UNC45B: variants seen among roughly 807,000 people sequenced by gnomAD.
UNC45B encodes protein unc-45 homolog B.
In UNC45B, 78 loss-of-function variants were observed where a neutral mutation model predicts 98.7. The ratio of observed to expected loss-of-function variants is 0.79; its 90% CI spans 0.66 to 0.95. The LOEUF (loss-of-function observed/expected upper bound fraction) is 0.95, where lower values mean the gene tolerates loss of function less well. Among genes scored for constraint, UNC45B ranks in the 40% least tolerant of loss-of-function variants. The probability of loss-of-function intolerance (pLI) is 0.00; values close to 1 mark genes in which losing one functional copy is unlikely to be tolerated. For synonymous variants in UNC45B, 462 were observed against 480.4 expected (o/e 0.96, Z 0.50); for missense variants, 1,225 against 1,184.9 (o/e 1.03, Z -0.50).
intron 14 of UNC45B, among the ~76,000 whole-genome samples, chr17:35,175,105 A>AG (rs1491478073): frequency 5.1e-5 from 7 of 137,808 alleles, no homozygotes; most frequent in African/African-American, 2.1e-4. Flanking sequence ...AAGAAAAAAG[A>AG]AAAGAAAGAA....
intron 7 of UNC45B, among the ~76,000 whole-genome samples, chr17:35,159,049 T>C (rs997450565): frequency 1.6e-4 from 24 of 152,192 alleles, no homozygotes; most frequent in African/African-American, 5.5e-4. Context: ...ATCAGTTTAT[T>C]AGAAACCACA....
Position 35,183,460 on chromosome 17 carries a change from C to T in UNC45B, c.2407C>T (p.Arg803Trp), listed in dbSNP as rs370424081. 192 of 1,598,510 alleles carry T rather than the reference C, an allele frequency of 1.2e-4. No individual in the cohort carries two copies. The highest frequency in any genetic ancestry group is 1.7e-4 in the Middle Eastern group (1 of 5,990). The change falls in exon 19 of 20, where the codon CGG becomes TGG. Residue 803 changes from arginine (R) to tryptophan (W), a missense_variant. Arg to Trp is a moderately radical substitution (Grantham distance 101). Transcript: ENST00000394570. ...QERFLADGND[R>W]LKLVVLLCGE... ...AAGGTTCTTGGCTGACGGGAATGAC[C>T]GGCTGAAGCTGGTGGTGCTGCTCTG...
intron 19 of UNC45B, among the ~76,000 whole-genome samples, chr17:35,184,745 A>G (rs962596751): frequency 2.2e-4 from 34 of 152,052 alleles, no homozygotes; most frequent in Non-Finnish European, 4.7e-4. Flanking sequence ...AGGATTGCCA[A>G]CCCACTCCTG....
At chr17:35,165,607 T>G (rs2092133228) in intron 9 of UNC45B, among the ~76,000 whole-genome samples, 1 of 152,152 alleles carries the variant, frequency 6.6e-6, no homozygotes, top group South Asian at 2.1e-4. Flanking sequence ...GTGGGACAGA[T>G]AAGTCTCTGT....
Position 35,159,355 on chromosome 17 carries a change from C to G in UNC45B, c.809-20C>G. 1.9e-6 allele frequency: 3 copies of G among 1,605,836 alleles called. No individual in the cohort carries two copies. The highest frequency in any genetic ancestry group is 2.6e-6 in the Non-Finnish European group (3 of 1,174,566). ...AGATTTCCTACCCCTCTCTACTTAC[C>G]CCGTCCTCTTTTTCTTCAGACACCA... On this transcript the variant is annotated intron_variant, in intron 7 of 19. Transcript: ENST00000394570.
chr17:35,155,240 T>C (rs1173706223), intron 6 of UNC45B, 56 bp from the exon 7 acceptor site: 1 of 1,593,578 alleles, frequency 6.3e-7, no homozygotes, highest in African/African-American at 1.3e-5. Flanking sequence ...CTAACCTGCA[T>C]GGCAGCTAGA....
chr17:35,167,953 A>G (rs931006455), intron 9 of UNC45B, 108 bp from the exon 10 acceptor site: 11 of 1,109,506 alleles, frequency 9.9e-6, no homozygotes, highest in Admixed American at 6.3e-5. Context: ...CACACAGCAC[A>G]TGAGTGGTGG....
chr17:35,179,896 A>C (rs1335577955), intron 17 of UNC45B, among the ~76,000 whole-genome samples: 3 of 120,354 alleles, frequency 2.5e-5, no homozygotes, highest in African/African-American at 9.2e-5. Context: ...CTAGAACTTA[A>C]AGTATTAAAA....
chr17:35,149,367 G>A (rs2091999927), intron 3 of UNC45B, among the ~76,000 whole-genome samples: 1 of 152,122 alleles, frequency 6.6e-6, no homozygotes. Flanking sequence ...AAGCTGCCTG[G>A]CTGTCTTTTG....
At chr17:35,162,013 G>T (rs1019409346) in intron 8 of UNC45B, among the ~76,000 whole-genome samples, 1 of 152,172 alleles carries the variant, frequency 6.6e-6, no homozygotes, top group African/African-American at 2.4e-5. Context: ...GAAGTGCCAC[G>T]CCCCTTGCCA....
intron 4 of UNC45B, chr17:35,151,228 C>A (rs1199588674): frequency 3.6e-6 from 1 of 278,058 alleles, no homozygotes; most frequent in Non-Finnish European, 7.0e-6. Flanking sequence ...TTAAATTCAG[C>A]GGGTCGCCAC....
At chr17:35,147,981 G>A in intron 1 of UNC45B, 71 bp downstream of exon 1, 1 of 437,658 alleles carries the variant, frequency 2.3e-6, no homozygotes, top group Non-Finnish European at 4.2e-6. Flanking sequence ...TGCAATGAGA[G>A]TTCAGGCCTT....
At chr17:35,151,587 C>T (rs774748199) in intron 4 of UNC45B, among the ~76,000 whole-genome samples, 2 of 152,120 alleles carry the variant, frequency 1.3e-5, no homozygotes, top group Non-Finnish European at 2.9e-5. Context: ...TGTGGGGCAT[C>T]TCTTGGGGTG....
intron 16 of UNC45B, 134 bp from the exon 17 acceptor site, chr17:35,177,361 G>T: frequency 1.4e-6 from 1 of 727,260 alleles, no homozygotes; most frequent in African/African-American, 1.8e-5. Context: ...CTGCCTGTCA[G>T]GATCATTGTG....
chr17:35,180,656 A>C lies in UNC45B; in HGVS notation c.2353A>C (p.Asn785His). 6.2e-7 allele frequency: 1 copy of C among 1,613,640 alleles called. No homozygotes were observed. The highest frequency in any genetic ancestry group is 8.5e-7 in the Non-Finnish European group (1 of 1,179,896). ...LRQAATECMC[N>H]MVLHKEVQER... Reference sequence around the variant, plus strand: ...GCAGGCGGCCACCGAGTGCATGTGCAACATGGTGCTCCACAAGGAGGTGAG... The same window carrying C: ...GCAGGCGGCCACCGAGTGCATGTGCCACATGGTGCTCCACAAGGAGGTGAG... Residue 785 changes from asparagine to histidine, a missense_variant, in exon 18 of 20, where the codon AAC (asparagine) becomes CAC (histidine). Transcript: ENST00000394570.
intron 18 of UNC45B, 29 bp downstream of exon 18, chr17:35,180,705 G>T (rs116910034): frequency 6.3e-7 from 1 of 1,580,110 alleles, no homozygotes; most frequent in South Asian, 1.1e-5. Flanking sequence ...ATGGAGACCC[G>T]GGCGTGATCA....
intron 13 of UNC45B, among the ~76,000 whole-genome samples, chr17:35,173,131 T>TC (rs1034142506): frequency 6.0e-5 from 9 of 149,648 alleles, no homozygotes; most frequent in African/African-American, 2.2e-4. Flanking sequence ...TATACTTTTT[T>TC]TTTTTTTTTT....
chr17:35,155,106 C>T (rs2092049346), intron 6 of UNC45B, among the ~76,000 whole-genome samples, 190 bp from the exon 7 acceptor site: 1 of 152,222 alleles, frequency 6.6e-6, no homozygotes. Context: ...CAGCTCTGAC[C>T]TCCAGAGATG....
At position 35,163,995 on chromosome 17, in the gene UNC45B, G is replaced by T. The variant is rs2092120394; in HGVS notation, c.980G>T (p.Gly327Val). The stretch of plus-strand genomic sequence containing the variant: ...AGGCTTGCCACTGTCTACCCTGCAG[G>T]TCTGAGGAAGATCCTGAAGGTTGTG... ...NSRTIYVVDN[G>V]LRKILKVVGQ... is the part of the protein sequence containing the mutation. Residue 327 changes from glycine (G) to valine (V), a missense_variant and splice_region_variant, in exon 9 of 20, where the codon GGT (glycine) becomes GTT (valine). Physicochemically the swap from Gly to Val is moderately radical, Grantham distance 109 (BLOSUM62 -3). Coordinates refer to ENST00000394570, the MANE Select transcript of UNC45B (RefSeq NM_001267052.2). 1 of 1,611,484 alleles carries T rather than the reference G, an allele frequency of 6.2e-7. No homozygotes were observed. The highest frequency in any genetic ancestry group is 8.5e-7 in the Non-Finnish European group (1 of 1,178,754).
Sources: allele counts gnomAD v4.1 joint callset (sites outside exome capture counted in the v4.1 genomes callset), GRCh38; gene constraint gnomAD v4.1.1; transcripts MANE v1.5; gene names NCBI Gene and HGNC (gene_info 2026-07-23, HGNC 2026-07-21).